Variants in FGF13 observed in about 807,000 individuals in gnomAD.
FGF13 encodes the protein fibroblast growth factor 13, also known as fibroblast growth factor homologous factor 2.
A neutral mutation model predicts 19.5 loss-of-function variants in FGF13; 2 were observed. That is an observed-to-expected ratio of 0.10 (90% CI 0.04 to 0.32). FGF13 has a LOEUF of 0.32. Ranked by LOEUF, FGF13 falls within the 10% of genes least tolerant of loss-of-function variation. FGF13 has a pLI of 1.00. For missense variants in FGF13, 113 were observed against 192.7 expected, an observed-to-expected ratio of 0.59 and a Z score of 2.45; for synonymous variants, 72 against 76.9, an observed-to-expected ratio of 0.94 and a Z score of 0.33.
chrX:139,204,226 C>T (rs1305534271), upstream of FGF13: 23 of 674,123 alleles, frequency 3.4e-5, no homozygotes, highest in Non-Finnish European at 4.0e-5. Flanking sequence ...CGGTGTGGTT[C>T]GGGGCGGAAT....
At chrX:139,144,404 C>T (rs183922245) in intron 1 of FGF13, among the ~76,000 whole-genome samples, 15 of 112,068 alleles carry the variant, frequency 1.3e-4, no homozygotes, top group Non-Finnish European at 1.5e-4. Context: ...CATTCACATC[C>T]TATGAGAAAC....
intron 1 of FGF13, among the ~76,000 whole-genome samples, chrX:138,945,438 C>T (rs766366603): frequency 9.0e-6 from 1 of 111,156 alleles, no homozygotes; most frequent in Non-Finnish European, 1.9e-5. Flanking sequence ...AATGTCTACT[C>T]GACAGATGAA....
At chrX:138,867,201 A>G (rs887868848) in intron 1 of FGF13, among the ~76,000 whole-genome samples, 12 of 110,817 alleles carry the variant, frequency 1.1e-4, no homozygotes, top group African/African-American at 3.3e-4. Context: ...CTGATGCAGG[A>G]GTTTGAGACC....
chrX:138,810,413 C>G (rs766346120), intron 3 of FGF13, among the ~76,000 whole-genome samples: 1 of 111,368 alleles, frequency 9.0e-6, no homozygotes, highest in South Asian at 3.8e-4. Context: ...GAAACTGGAT[C>G]CCTTCCTTAC....
At chrX:138,960,800 C>G (rs1343225885) in intron 1 of FGF13, among the ~76,000 whole-genome samples, 1 of 111,841 alleles carries the variant, frequency 8.9e-6, no homozygotes, top group Non-Finnish European at 1.9e-5. Context: ...TTAATCGAAT[C>G]AGCTACTGAA....
intron 3 of FGF13, among the ~76,000 whole-genome samples, chrX:138,846,108 C>G (rs922103278): frequency 1.3e-4 from 14 of 109,979 alleles, no homozygotes; most frequent in South Asian, 8.0e-4. Context: ...AGTAGAGGAA[C>G]CATGTGAGCT....
At chrX:139,107,044 T>C (rs959960471) in intron 1 of FGF13, among the ~76,000 whole-genome samples, 1 of 111,830 alleles carries the variant, frequency 8.9e-6, no homozygotes, top group African/African-American at 3.3e-5. Flanking sequence ...TTTTAATATG[T>C]ATGAGACCCT....
At chrX:138,870,594 G>T (rs1365150721) in intron 1 of FGF13, among the ~76,000 whole-genome samples, 6 of 112,672 alleles carry the variant, frequency 5.3e-5, no homozygotes, top group African/African-American at 1.9e-4. Flanking sequence ...TGAAATTAAG[G>T]TTGCTATTCA....
intron 1 of FGF13, among the ~76,000 whole-genome samples, chrX:138,950,918 T>G (rs1440544859): frequency 9.0e-6 from 1 of 111,326 alleles, no homozygotes; most frequent in South Asian, 3.8e-4. Context: ...CTAAAAACTC[T>G]TGGTGAAACT....
Position 138,898,616 on chromosome X carries a change from T to C in FGF13, c.-112-33966A>G, listed in dbSNP as rs185990879. ...TGTGTCCTTTTACTATTTTGAAGCA[T>C]TCATAGATTTTTTTTCATAGAAGGT... On this transcript the variant is annotated intron_variant, in intron 1 of 2. Coordinates refer to the FGF13 transcript ENST00000421460. Among the ~76,000 whole-genome samples, 20 of 112,159 alleles carry C rather than the reference T, an allele frequency of 1.8e-4. No individual in the cohort carries two copies. The East Asian group carries it at 3.4e-3, about 19-fold the overall frequency.
chrX:138,743,626 A>C (rs1239693976), upstream of FGF13, among the ~76,000 whole-genome samples: 1 of 111,325 alleles, frequency 9.0e-6, no homozygotes, highest in Non-Finnish European at 1.9e-5. Flanking sequence ...CCAGGGAATC[A>C]CAGGGTATAT....
rs1189061265 is a variant in FGF13 at position 138,619,426 on chromosome X, G to A, written c.*13424C>T. On this transcript the variant is annotated 3_prime_UTR_variant, in exon 5 of 5. Coordinates refer to ENST00000315930, the MANE Select transcript of FGF13 (RefSeq NM_004114.5). The stretch of plus-strand genomic sequence containing the variant: ...TTGATGGGTGCAGCAAACCACCATG[G>A]CACGTGCATACCTATGTAACAAACC... 1.8e-5 allele frequency: 2 copies of A among 111,489 alleles called. No homozygotes were observed. The highest frequency in any genetic ancestry group is 1.9e-5 in the Non-Finnish European group (1 of 53,144). 9.2% of individuals were successfully genotyped at this position (111,489 alleles called of 1,213,427 possible).
intron 3 of FGF13, among the ~76,000 whole-genome samples, chrX:138,809,139 CAA>C (rs1345520333): frequency 1.8e-5 from 2 of 111,211 alleles, no homozygotes; most frequent in African/African-American, 6.5e-5. Context: ...AGAGACACAA[CAA>C]AAAAAGAGAA....
intron 3 of FGF13, among the ~76,000 whole-genome samples, chrX:138,811,406 G>A (rs915685436): frequency 9.1e-5 from 10 of 110,055 alleles, no homozygotes; most frequent in East Asian, 2.9e-4. Context: ...GAGAACACTC[G>A]GACACAGGAA....
intron 3 of FGF13, among the ~76,000 whole-genome samples, chrX:138,689,670 T>C (rs2089820114): frequency 8.9e-6 from 1 of 111,861 alleles, no homozygotes; most frequent in Non-Finnish European, 1.9e-5. Flanking sequence ...AAGTAGGGTA[T>C]TGGAAAAGAG....
intron 3 of FGF13, among the ~76,000 whole-genome samples, chrX:138,778,559 C>G (rs755296711): frequency 2.7e-5 from 3 of 112,148 alleles, no homozygotes; most frequent in East Asian, 5.6e-4. Flanking sequence ...GGTGACAGAC[C>G]GCACCTGGAA....
Position 138,660,497 on chromosome X carries a change from G to A in FGF13, c.403-24842C>T, listed in dbSNP as rs148401822. Among the ~76,000 whole-genome samples the A allele has an allele frequency of 8.0e-3, 898 of 111,784 alleles. 11 individuals carry two copies. Among genetic ancestry groups the A allele is most frequent in the African/African-American group, 0.028 (856 of 30,818 alleles). The stretch of plus-strand genomic sequence containing the variant: ...ATTTGTTTGTGGGTACATAGCAGGT[G>A]TATATATTTATGGAGTACATGAGAT... On this transcript the variant is annotated intron_variant, in intron 3 of 4. Coordinates refer to ENST00000315930, the MANE Select transcript of FGF13 (RefSeq NM_004114.5).
chrX:138,747,865 T>C (rs1569382435), intron 3 of FGF13, among the ~76,000 whole-genome samples: 1 of 111,319 alleles, frequency 9.0e-6, no homozygotes. Flanking sequence ...GAGGGAGCTT[T>C]TGGAGGCCTG....
chrX:138,627,744 T>C lies in FGF13; in HGVS notation c.*5106A>G, dbSNP rs1361527773. 9.1e-6 allele frequency: 1 copy of C among 110,408 alleles called. No individual in the cohort carries two copies. The highest frequency in any genetic ancestry group is 1.9e-5 in the Non-Finnish European group (1 of 52,958). The allele number at this position is 110,408 out of a possible 1,213,427, so 9.1% of individuals were successfully genotyped here. A position where few individuals can be genotyped will look rare whatever the true frequency, so the allele number is the denominator to read the frequency against. On this transcript the variant is annotated 3_prime_UTR_variant, in exon 5 of 5. Transcript: ENST00000315930. ...TTGACATTTGGTTAGTTTACAATTCTAAAACTGAAAATCATCCACATTGTG... is the reference window on the plus strand; with the variant it reads ...TTGACATTTGGTTAGTTTACAATTCCAAAACTGAAAATCATCCACATTGTG...
Sources: allele counts gnomAD v4.1 joint callset (sites outside exome capture counted in the v4.1 genomes callset), GRCh38; gene constraint gnomAD v4.1.1; transcripts MANE v1.5; gene names NCBI Gene and HGNC (gene_info 2026-07-23, HGNC 2026-07-21).